TFDP1: variants seen among roughly 807,000 people sequenced by gnomAD.
TFDP1 encodes DRTF1-polypeptide 1.
In TFDP1, 6 loss-of-function variants were observed where a neutral mutation model predicts 48.0. That is an observed-to-expected ratio of 0.13 (90% confidence interval 0.07 to 0.25). TFDP1 has a LOEUF of 0.25. Among genes scored for constraint, TFDP1 ranks in the 10% least tolerant of loss-of-function variants. The pLI is 1.00. For synonymous variants in TFDP1, 201 were observed against 211.6 expected (o/e 0.95, Z 0.44); for missense variants, 335 against 543.0 (o/e 0.62, Z 3.81).
rs1265675827 is a variant in TFDP1, at chr13:113,629,399, CCTGCCTCTGG to C, written c.187-2221_187-2212del. 1.2e-4 allele frequency among the ~76,000 whole-genome samples: 18 copies of C among 152,318 alleles called. No homozygotes were observed. The East Asian group carries it at 3.5e-3, about 29-fold the overall frequency. On this transcript the variant is annotated intron_variant, in intron 4 of 11. Transcript: ENST00000375370. ...AGCACCATTGAGCACCTGGTGTGTA[CCTGCCTCTGG>C]CTTTCTCTTCTTCCCAACTTACAGT...
intron 10 of TFDP1, chr13:113,637,606 T>C (rs1476157882): frequency 6.5e-7 from 1 of 1,529,568 alleles, no homozygotes; most frequent in South Asian, 1.2e-5. Flanking sequence ...GCAAGGCTGT[T>C]CTTGCCTTTT....
At position 113,595,885 on chromosome 13, in the gene TFDP1, A is replaced by G. The variant is rs935465986; in HGVS notation, c.12+10036A>G. On this transcript the variant is annotated intron_variant, in intron 2 of 11. Transcript: ENST00000375370. ...ATCACAAGGTCAGGATATCGAGACC[A>G]TCCTGGCTAACATGGTGAAACCCCG... Among the ~76,000 whole-genome samples, 3 of 152,344 alleles carry G rather than the reference A, an allele frequency of 2.0e-5. No individual in the cohort carries two copies. The South Asian group carries it at 6.2e-4, about 32-fold the overall frequency.
intron 2 of TFDP1, among the ~76,000 whole-genome samples, chr13:113,603,712 T>C (rs971288555): frequency 1.3e-5 from 2 of 152,224 alleles, no homozygotes; most frequent in South Asian, 4.1e-4. Context: ...CAGTTGAATA[T>C]AGTTTTTCTA....
intron 4 of TFDP1, among the ~76,000 whole-genome samples, chr13:113,626,329 T>C (rs1258578591): frequency 1.3e-5 from 2 of 152,262 alleles, no homozygotes; most frequent in African/African-American, 4.8e-5. Flanking sequence ...TTTTGCACTT[T>C]AGTCTTTATT....
intron 10 of TFDP1, chr13:113,637,482 T>A: frequency 3.3e-6 from 3 of 902,642 alleles, no homozygotes; most frequent in Middle Eastern, 4.3e-4. Context: ...GGATGGGCTG[T>A]GGGAAGAGGG....
At chr13:113,602,632 T>C (rs2048466537) in intron 2 of TFDP1, among the ~76,000 whole-genome samples, 1 of 152,244 alleles carries the variant, frequency 6.6e-6, no homozygotes, top group Admixed American at 6.5e-5. Flanking sequence ...ACTTTTGAAA[T>C]TAAGATTGTT....
chr13:113,635,045 A>C (rs768701701), intron 8 of TFDP1, among the ~76,000 whole-genome samples: 5 of 152,236 alleles, frequency 3.3e-5, no homozygotes, highest in Non-Finnish European at 7.3e-5. Context: ...AGAGGTGCTT[A>C]ACCCAAGGCC....
In TFDP1 at chr13:113,611,037, A is replaced by G; in HGVS notation, c.54A>G (p.Ile18Met). The G allele has an allele frequency of 6.2e-7, 1 of 1,614,208 alleles. No individual in the cohort carries two copies. ...IEANGELKVF[I>M]DQNLSPGKGV... The stretch of plus-strand genomic sequence containing the variant: ...CCAACGGAGAACTCAAGGTCTTCAT[A>G]GACCAGAACCTTAGTCCCGGGAAAG... Residue 18 changes from isoleucine to methionine, a missense_variant, in exon 3 of 12, where the codon ATA (isoleucine) becomes ATG (methionine). By Grantham distance (10) the Ile-to-Met change is conservative. Coordinates refer to ENST00000375370, the MANE Select transcript of TFDP1 (RefSeq NM_007111.5).
rs745662661 is a variant in TFDP1 at position 113,640,214 on chromosome 13, G to A, written c.1180G>A (p.Gly394Arg). 5.6e-6 allele frequency: 9 copies of A among 1,613,172 alleles called. No individual in the cohort carries two copies. The highest frequency in any genetic ancestry group is 3.3e-5 in the South Asian group (3 of 90,912). Residue 394 changes from glycine (G) to arginine (R), a missense_variant, in exon 12 of 12, where the codon GGG (glycine) becomes AGG (arginine). This residue lies in a region of TFDP1 where 204 missense variants were observed against 287.1 expected (regional missense o/e 0.71). Transcript: ENST00000375370. ...GGTGGAGACTCCGGTGTCCTACGTC[G>A]GGGAGGACGACGAGGAGGACGATGA... ...SRVETPVSYV[G>R]EDDEEDDDFN...
At chr13:113,595,952 G>C (rs777685106) in intron 2 of TFDP1, among the ~76,000 whole-genome samples, 16 of 152,150 alleles carry the variant, frequency 1.1e-4, no homozygotes, top group Non-Finnish European at 1.5e-4. Context: ...CGTGGTGGCG[G>C]GCACCTGTAG....
intron 2 of TFDP1, among the ~76,000 whole-genome samples, chr13:113,610,436 CA>C (rs2048681480): frequency 6.7e-6 from 1 of 148,458 alleles, no homozygotes; most frequent in African/African-American, 2.5e-5. Context: ...TGCCATCACA[CA>C]TGTGCCCCCG....
At chr13:113,634,697 TG>T (rs2049428225) in intron 8 of TFDP1, 95 bp downstream of exon 8, 1 of 887,430 alleles carries the variant, frequency 1.1e-6, no homozygotes, top group Non-Finnish European at 1.8e-6. Flanking sequence ...CACTCCTGCA[TG>T]GCAAATCAAA....
chr13:113,586,952 C>T (rs1786067533), intron 2 of TFDP1, among the ~76,000 whole-genome samples: 1 of 152,240 alleles, frequency 6.6e-6, no homozygotes, highest in Non-Finnish European at 1.5e-5. Flanking sequence ...ACTCAGAATG[C>T]CAGATGTGGG....
intron 4 of TFDP1, among the ~76,000 whole-genome samples, chr13:113,626,172 C>T (rs1012895493): frequency 6.6e-6 from 1 of 152,054 alleles, no homozygotes; most frequent in Non-Finnish European, 1.5e-5. Context: ...AGGTGTCTCT[C>T]ATGGATCCCC....
intron 2 of TFDP1, among the ~76,000 whole-genome samples, chr13:113,587,649 A>G (rs2048038926): frequency 6.6e-6 from 1 of 151,408 alleles, no homozygotes; most frequent in South Asian, 2.1e-4. Flanking sequence ...CATGCCTGGC[A>G]AATTTTTTTG....
chr13:113,627,181 G>A lies in TFDP1; in HGVS notation c.186+3895G>A, dbSNP rs1418213371. On this transcript the variant is annotated intron_variant, in intron 4 of 11. Transcript: ENST00000375370. This position sits in a 1 kb window ranked among gnomAD's most constrained non-coding sequence, Gnocchi z 4.1. ...GGTGGGGCTCAGTCCGGGCATGTGA[G>A]TGAAAGCGGTGGGGAGGTCCTTAGG... Among the ~76,000 whole-genome samples, 1 of 152,232 alleles carries A rather than the reference G, an allele frequency of 6.6e-6. No homozygotes were observed. The highest frequency in any genetic ancestry group is 2.4e-5 in the African/African-American group (1 of 41,456).
At position 113,632,005 on chromosome 13, in the gene TFDP1, G is replaced by A. The variant is rs1371342031; in HGVS notation, c.308+261G>A. 20 of 455,488 alleles carry A rather than the reference G, an allele frequency of 4.4e-5. 1 individual carries two copies. The South Asian group carries it at 6.1e-4, about 14-fold the overall frequency. 28.2% of individuals were successfully genotyped at this position (455,488 alleles called of 1,614,324 possible). A position where few individuals can be genotyped will look rare whatever the true frequency, so the allele number is the denominator to read the frequency against. ...TGTAGTGGGTGCTCTCTGAAGGGCT[G>A]GCAGCTCTTGGCCAAGACGGGGAGA... On this transcript the variant is annotated intron_variant, in intron 5 of 11. Coordinates refer to ENST00000375370, the MANE Select transcript of TFDP1 (RefSeq NM_007111.5).
At chr13:113,590,303 T>C (rs2048108797) in intron 2 of TFDP1, among the ~76,000 whole-genome samples, 1 of 152,168 alleles carries the variant, frequency 6.6e-6, no homozygotes. Context: ...ACTGTGTGCG[T>C]CCCACCATGG....
At chr13:113,639,190 G>T (rs1037677042) in intron 11 of TFDP1, among the ~76,000 whole-genome samples, 1 of 152,248 alleles carries the variant, frequency 6.6e-6, no homozygotes, top group Admixed American at 6.5e-5. Flanking sequence ...GTGTGAACGT[G>T]TGGCGGTCAG....
Sources: allele counts gnomAD v4.1 joint callset (sites outside exome capture counted in the v4.1 genomes callset), GRCh38; gene constraint gnomAD v4.1.1; regional missense constraint gnomAD v4.1.1; non-coding constraint Gnocchi (gnomAD v3.1); transcripts MANE v1.5; gene names NCBI Gene and HGNC (gene_info 2026-07-23, HGNC 2026-07-21).